PCMT1: variants seen among roughly 807,000 people sequenced by gnomAD.
PCMT1 encodes the protein protein-L-isoaspartate (D-aspartate) O-methyltransferase, also known as protein-L-isoaspartate(D-aspartate) O-methyltransferase.
PCMT1 carries 9 observed loss-of-function variants against 29.2 expected under a neutral mutation model. The observed-to-expected ratio is 0.31, with a 90% CI of 0.19 to 0.54. PCMT1 has a LOEUF of 0.54. Among genes scored for constraint, PCMT1 ranks in the 20% least tolerant of loss-of-function variants. PCMT1 has a pLI of 0.95. For missense variants in PCMT1, 184 were observed against 282.2 expected (o/e 0.65, Z 2.49); for synonymous variants, 98 against 97.5 (o/e 1.00, Z -0.03).
intron 1 of PCMT1, among the ~76,000 whole-genome samples, chr6:149,757,036 T>C (rs897924484): frequency 4.0e-5 from 6 of 151,882 alleles, no homozygotes; most frequent in African/African-American, 1.5e-4. Flanking sequence ...GAGCCTATAA[T>C]CCCAGCTACT....
intron 4 of PCMT1, among the ~76,000 whole-genome samples, chr6:149,790,356 C>G (rs1359716655): frequency 6.6e-6 from 1 of 152,092 alleles, no homozygotes; most frequent in Non-Finnish European, 1.5e-5. Flanking sequence ...ATAGGGTTCT[C>G]TCTGTTTCTT....
chr6:149,771,969 C>A (rs1323797819), intron 2 of PCMT1: 2 of 456,600 alleles, frequency 4.4e-6, no homozygotes, highest in Admixed American at 2.4e-5. Flanking sequence ...TTAATGACTT[C>A]TCTGCTTTAT....
chr6:149,782,111 A>T (rs574128335), intron 3 of PCMT1, among the ~76,000 whole-genome samples: 60 of 152,340 alleles, frequency 3.9e-4, no homozygotes, highest in Non-Finnish European at 6.0e-4. Context: ...TGAGCCATCT[A>T]TGACTGTTAA....
At chr6:149,761,461 G>T (rs1786738017) in intron 1 of PCMT1, among the ~76,000 whole-genome samples, 1 of 151,854 alleles carries the variant, frequency 6.6e-6, no homozygotes, top group South Asian at 2.1e-4. Flanking sequence ...ACTGTTTTTG[G>T]TTCTTGTGAT....
Position 149,802,214 on chromosome 6 carries a change from A to G in PCMT1, c.519A>G (p.Leu173=), listed in dbSNP as rs764514833. ...TTTTCTTTTAGCTAATAGATCAGTT[A>G]AAGCCCGGAGGAAGATTGATATTGC... ...PVVPQALIDQ[L]KPGGRLILPV... Residue 173 remains leucine, a synonymous_variant, in exon 7 of 8, where the codon TTA becomes TTG. Transcript: ENST00000464889. The G allele has an allele frequency of 3.1e-6, 5 of 1,607,500 alleles. No homozygotes were observed. The African/African-American group carries it at 4.0e-5, about 13-fold the overall frequency.
chr6:149,750,502 A>G (rs977026431), intron 1 of PCMT1, among the ~76,000 whole-genome samples: 1 of 152,242 alleles, frequency 6.6e-6, no homozygotes, highest in African/African-American at 2.4e-5. Flanking sequence ...GAGGGGAGGA[A>G]GATGAGAGTA....
intron 1 of PCMT1, among the ~76,000 whole-genome samples, chr6:149,768,444 ATTTTTTTTTTTTT>A (rs548328646): frequency 2.6e-5 from 2 of 75,844 alleles, no homozygotes; most frequent in African/African-American, 6.6e-5. Flanking sequence ...TTAGTCTTGA[ATTTTTTTTTTTTT>A]TTTTTTTTTT....
chr6:149,795,631 C>G, intron 5 of PCMT1: 1 of 477,124 alleles, frequency 2.1e-6, no homozygotes, highest in Admixed American at 2.7e-5. Context: ...GTGTTTCAAT[C>G]TATTCTGGAT....
chr6:149,785,659 A>G (rs1788004726), intron 3 of PCMT1, among the ~76,000 whole-genome samples: 2 of 152,002 alleles, frequency 1.3e-5, no homozygotes, highest in African/African-American at 2.4e-5. Context: ...CACATCTTGC[A>G]CCGCCCTTAA....
chr6:149,787,057 A>T (rs1278352282), intron 3 of PCMT1, among the ~76,000 whole-genome samples: 1 of 133,126 alleles, frequency 7.5e-6, no homozygotes, highest in Non-Finnish European at 1.5e-5. Context: ...CTGGTGGATC[A>T]CTCCGGTTAG....
intron 6 of PCMT1, among the ~76,000 whole-genome samples, chr6:149,798,468 G>A (rs1307400560): frequency 5.3e-5 from 8 of 152,142 alleles, no homozygotes; most frequent in Non-Finnish European, 1.0e-4. Context: ...AAATATTGTA[G>A]TAATACTTGC....
chr6:149,795,747 G>T, intron 5 of PCMT1: 2 of 197,824 alleles, frequency 1.0e-5, no homozygotes, highest in South Asian at 1.9e-4. Flanking sequence ...TACTATTAAG[G>T]TACTATATCT....
intron 1 of PCMT1, among the ~76,000 whole-genome samples, chr6:149,751,543 G>C (rs1786322484): frequency 6.8e-6 from 1 of 147,880 alleles, no homozygotes; most frequent in Non-Finnish European, 1.5e-5. Context: ...GTGCAATGGC[G>C]CGGTCTTAGC....
At chr6:149,794,408 A>T (rs1788509648) in intron 5 of PCMT1, among the ~76,000 whole-genome samples, 1 of 152,072 alleles carries the variant, frequency 6.6e-6, no homozygotes, top group African/African-American at 2.4e-5. Context: ...TCATGAGGTC[A>T]AGAGTTTGAG....
In PCMT1 at chr6:149,750,085, C is replaced by T. The variant is rs553127903; in HGVS notation, c.55+129C>T. ...TGGAGGGCTTCGGCGCAGAGTTGCC[C>T]CGGTAGTCCCGAACGGCGTGCGCTT... On this transcript the variant is annotated intron_variant, in intron 1 of 7. Transcript: ENST00000464889. The T allele has an allele frequency of 7.6e-5, 98 of 1,295,606 alleles. 2 individuals are homozygous for T. The South Asian group carries it at 1.5e-3, about 20-fold the overall frequency. 80.3% of individuals were successfully genotyped at this position (1,295,606 alleles called of 1,614,324 possible). A position where few individuals can be genotyped will look rare whatever the true frequency, so the allele number is the denominator to read the frequency against.
intron 1 of PCMT1, among the ~76,000 whole-genome samples, chr6:149,759,611 C>T (rs1351883174): frequency 2.0e-5 from 3 of 152,104 alleles, no homozygotes; most frequent in Admixed American, 2.0e-4. Flanking sequence ...TCTCCTGCTT[C>T]AGCCTCCCAA....
At chr6:149,805,909 C>CT (rs1456981915) in intron 7 of PCMT1, among the ~76,000 whole-genome samples, 1 of 145,730 alleles carries the variant, frequency 6.9e-6, no homozygotes, top group Admixed American at 7.0e-5. Context: ...CCACTGTACT[C>CT]TAACCTGGCG....
At chr6:149,779,811 CAA>C (rs60563679) in intron 3 of PCMT1, among the ~76,000 whole-genome samples, 4 of 133,590 alleles carry the variant, frequency 3.0e-5, no homozygotes, top group African/African-American at 2.8e-5. Flanking sequence ...AACTCTGACT[CAA>C]AAAAAAAAAA....
chr6:149,805,374 A>T lies in PCMT1; in HGVS notation c.*37+2958A>T, dbSNP rs186969608. ...TTTGGGAGGCCAAGGCGGGCAGATC[A>T]CAAGGTCAGGAGATCGAGACCATCC... is the stretch of plus-strand genomic sequence containing the variant. On this transcript the variant is annotated intron_variant, in intron 7 of 7. Coordinates refer to ENST00000464889, the MANE Select transcript of PCMT1 (RefSeq NM_001360452.2). Among the ~76,000 whole-genome samples, 9 of 151,934 alleles carry T rather than the reference A, an allele frequency of 5.9e-5. No individual in the cohort carries two copies. The East Asian group carries it at 1.7e-3, about 29-fold the overall frequency.
Sources: allele counts gnomAD v4.1 joint callset (sites outside exome capture counted in the v4.1 genomes callset), GRCh38; gene constraint gnomAD v4.1.1; transcripts MANE v1.5; gene names NCBI Gene and HGNC (gene_info 2026-07-23, HGNC 2026-07-21).